Variants in PLEKHM3 observed in about 807,000 individuals in gnomAD.
PLEKHM3 encodes the protein pleckstrin homology domain containing M3.
In PLEKHM3, 45 loss-of-function variants were observed where a neutral mutation model predicts 81.8. That is an observed-to-expected ratio of 0.55 (90% confidence interval 0.43 to 0.71). PLEKHM3 has a LOEUF of 0.71. PLEKHM3 is among the 30% of genes least tolerant of loss of function. PLEKHM3 has a pLI of 0.00. For synonymous variants in PLEKHM3, 352 were observed against 356.4 expected (o/e 0.99, Z 0.14); for missense variants, 788 against 924.3 (o/e 0.85, Z 1.91).
rs1233140973 is a variant in PLEKHM3, at chr2:207,827,568, C to T, written c.*751G>A. The T allele has an allele frequency of 9.2e-5, 14 of 152,174 alleles. No homozygotes were observed. Among genetic ancestry groups the T allele is most frequent in the Non-Finnish European group, 2.1e-4 (14 of 68,044 alleles). The allele number at this position is 152,174 out of a possible 1,614,324, so 9.4% of individuals were successfully genotyped here. ...CATTAGGTGGGTGATGGGATTAGTA[C>T]CGAAAAACAGACCGACAACACGCAG... On this transcript the variant is annotated 3_prime_UTR_variant, in exon 8 of 8. Coordinates refer to ENST00000427836, the MANE Select transcript of PLEKHM3 (RefSeq NM_001080475.3).
chr2:207,880,441 A>G (rs1211755049), intron 6 of PLEKHM3, among the ~76,000 whole-genome samples: 2 of 149,912 alleles, frequency 1.3e-5, no homozygotes, highest in South Asian at 2.1e-4. Context: ...TGATGTAGTA[A>G]TAAACATACA....
At chr2:207,968,604 C>G (rs892404376) in intron 3 of PLEKHM3, among the ~76,000 whole-genome samples, 1 of 152,168 alleles carries the variant, frequency 6.6e-6, no homozygotes, top group Non-Finnish European at 1.5e-5. Flanking sequence ...CAACCTGCAC[C>G]TCATTCTTAT....
intron 5 of PLEKHM3, among the ~76,000 whole-genome samples, chr2:207,910,287 C>T (rs554114549): frequency 4.6e-5 from 7 of 152,248 alleles, no homozygotes; most frequent in South Asian, 2.1e-4. Flanking sequence ...AGGCCCCTGT[C>T]GTGGAAGGTA....
At chr2:207,871,545 A>T (rs1260675034) in intron 6 of PLEKHM3, among the ~76,000 whole-genome samples, 3 of 151,328 alleles carry the variant, frequency 2.0e-5, no homozygotes, top group Non-Finnish European at 4.4e-5. Context: ...TAAAAGATTT[A>T]AAAAATTTCA....
chr2:207,830,371 T>C (rs2092278751), intron 7 of PLEKHM3, among the ~76,000 whole-genome samples: 2 of 151,948 alleles, frequency 1.3e-5, no homozygotes, highest in African/African-American at 4.8e-5. Context: ...CTCAGCACTT[T>C]GGGAGGCCGA....
intron 3 of PLEKHM3, among the ~76,000 whole-genome samples, chr2:207,954,539 C>T (rs898010187): frequency 2.0e-5 from 3 of 152,066 alleles, no homozygotes; most frequent in African/African-American, 7.2e-5. Flanking sequence ...CCATCTATGA[C>T]GTATAATCAT....
At chr2:207,877,661 T>C (rs2092565777) in intron 6 of PLEKHM3, among the ~76,000 whole-genome samples, 1 of 152,186 alleles carries the variant, frequency 6.6e-6, no homozygotes, top group Non-Finnish European at 1.5e-5. Flanking sequence ...AAAAATTACA[T>C]TAAAAAACTG....
At chr2:207,851,149 G>A (rs568263528) in intron 7 of PLEKHM3, 7 of 71,484 alleles carry the variant, frequency 9.8e-5, no homozygotes, top group South Asian at 4.8e-4. Flanking sequence ...GAGAGACTCC[G>A]TCTCAAAAAA....
Position 207,826,890 on chromosome 2 carries a change from A to T in PLEKHM3, c.*1429T>A, listed in dbSNP as rs2092254215. ...ATTTTTCTTGCTCTAGGGAGAGTTA[A>T]GGGGAAGGAATGGGAGCTGTCAGGG... On this transcript the variant is annotated 3_prime_UTR_variant, in exon 8 of 8. Transcript: ENST00000427836. 6.6e-6 allele frequency: 1 copy of T among 152,184 alleles called. No individual in the cohort carries two copies. Among genetic ancestry groups the T allele is most frequent in the Non-Finnish European group, 1.5e-5 (1 of 68,052 alleles). 9.4% of individuals were successfully genotyped at this position (152,184 alleles called of 1,614,324 possible). A position where few individuals can be genotyped will look rare whatever the true frequency, so the allele number is the denominator to read the frequency against.
intron 6 of PLEKHM3, among the ~76,000 whole-genome samples, chr2:207,863,573 G>T (rs564826374): frequency 6.6e-6 from 1 of 152,358 alleles, no homozygotes; most frequent in East Asian, 1.9e-4. Flanking sequence ...GAAGCTGGTG[G>T]TGGCAGCGGG....
chr2:207,995,402 C>T (rs1413123698), intron 2 of PLEKHM3, among the ~76,000 whole-genome samples: 1 of 152,146 alleles, frequency 6.6e-6, no homozygotes, highest in Non-Finnish European at 1.5e-5. Context: ...CACCAACTAC[C>T]CCCATAGAGA....
At chr2:207,898,642 C>A (rs978537532) in intron 6 of PLEKHM3, among the ~76,000 whole-genome samples, 4 of 152,156 alleles carry the variant, frequency 2.6e-5, no homozygotes, top group Non-Finnish European at 5.9e-5. Context: ...CCTGTAGTCC[C>A]AGCTACACAG....
intron 6 of PLEKHM3, among the ~76,000 whole-genome samples, chr2:207,871,283 C>A (rs1225748307): frequency 2.0e-5 from 3 of 152,168 alleles, no homozygotes; most frequent in Non-Finnish European, 4.4e-5. Flanking sequence ...TCCTCACCCT[C>A]CCCAATCCAT....
chr2:208,002,628 T>C (rs143599746), intron 1 of PLEKHM3, among the ~76,000 whole-genome samples: 11 of 152,272 alleles, frequency 7.2e-5, no homozygotes, highest in African/African-American at 1.7e-4. Flanking sequence ...ATGGCCTGAA[T>C]GGCAGGCTTG....
At chr2:207,988,217 A>G (rs1192006393) in intron 2 of PLEKHM3, among the ~76,000 whole-genome samples, 1 of 152,198 alleles carries the variant, frequency 6.6e-6, no homozygotes, top group African/African-American at 2.4e-5. Context: ...GCTTGGCTTC[A>G]CTTCAACATC....
intron 2 of PLEKHM3, among the ~76,000 whole-genome samples, chr2:207,987,134 G>T (rs1325955285): frequency 1.3e-5 from 2 of 152,118 alleles, no homozygotes; most frequent in African/African-American, 4.8e-5. Flanking sequence ...CCCATTTCCA[G>T]CTTTCCAGAC....
chr2:207,977,326 C>T lies in PLEKHM3; in HGVS notation c.871G>A (p.Glu291Lys), dbSNP rs1691352783. 1.9e-6 allele frequency: 3 copies of T among 1,614,186 alleles called. No individual in the cohort carries two copies. The highest frequency in any genetic ancestry group is 2.7e-5 in the African/African-American group (2 of 75,062). Reference protein sequence around the residue: ...YDNTQLQLKAESPWEALDWGQ... With the variant: ...YDNTQLQLKAKSPWEALDWGQ... ...CAGTCCAAAGCCTCCCATGGTGACT[C>T]TGCCTTTAGCTGTAGCTGAGTGTTG... Residue 291 changes from glutamate (E) to lysine (K), a missense_variant, in exon 3 of 8, where the codon GAG becomes AAG. By Grantham distance (56) the Glu-to-Lys change is moderately conservative (BLOSUM62 1). Transcript: ENST00000427836.
At chr2:207,963,679 G>C (rs542486240) in intron 3 of PLEKHM3, among the ~76,000 whole-genome samples, 1 of 152,276 alleles carries the variant, frequency 6.6e-6, no homozygotes, top group East Asian at 1.9e-4. Context: ...TAAAAAGGAA[G>C]CTGGAATGTA....
intron 7 of PLEKHM3, among the ~76,000 whole-genome samples, chr2:207,859,191 G>A (rs1306203420): frequency 1.3e-5 from 2 of 149,872 alleles, no homozygotes; most frequent in East Asian, 2.0e-4. Context: ...AGGCTGGAGG[G>A]CAATGGCGCA....
Sources: allele counts gnomAD v4.1 joint callset (sites outside exome capture counted in the v4.1 genomes callset), GRCh38; gene constraint gnomAD v4.1.1; transcripts MANE v1.5; gene names NCBI Gene and HGNC (gene_info 2026-07-23, HGNC 2026-07-21).